Variants in SYNE2 observed in about 807,000 individuals in gnomAD.
The protein encoded by SYNE2 is nesprin-2.
Under a neutral mutation model 856.3 loss-of-function variants are expected in SYNE2, and 431 were observed. That is an observed-to-expected ratio of 0.50 (90% CI 0.47 to 0.55). The LOEUF is 0.55. Ranked by LOEUF, SYNE2 falls within the 20% of genes least tolerant of loss-of-function variation. The probability of loss-of-function intolerance (pLI) is 0.00; values close to 1 mark genes in which losing one functional copy is unlikely to be tolerated. For synonymous variants in SYNE2, 2,923 were observed against 2,872.3 expected, an observed-to-expected ratio of 1.02 and a Z score of -0.56; for missense variants, 8,129 against 8,023.2, an observed-to-expected ratio of 1.01 and a Z score of -0.50.
chr14:63,931,188 C>T (rs974336928), intron 2 of SYNE2, among the ~76,000 whole-genome samples: 1 of 152,192 alleles, frequency 6.6e-6, no homozygotes, highest in Non-Finnish European at 1.5e-5. Flanking sequence ...AAAAAGAGTG[C>T]TTTTCTTCCA....
At chr14:63,777,321 T>C (rs556087293) in intron 1 of SYNE2, among the ~76,000 whole-genome samples, 3 of 152,332 alleles carry the variant, frequency 2.0e-5, no homozygotes, top group Admixed American at 6.5e-5. Context: ...TAAATTATTA[T>C]GAATGGAAAT....
intron 1 of SYNE2, among the ~76,000 whole-genome samples, chr14:63,772,944 A>T (rs1051639933): frequency 1.6e-4 from 25 of 151,530 alleles, no homozygotes; most frequent in African/African-American, 6.0e-4. Flanking sequence ...CACCTGGCTA[A>T]TTTTTTGTAT....
chr14:64,152,967 A>T (rs2098256081), intron 85 of SYNE2, among the ~76,000 whole-genome samples: 1 of 152,204 alleles, frequency 6.6e-6, no homozygotes, highest in Admixed American at 6.5e-5. Context: ...GTTTTGTCTA[A>T]TGTACTCACT....
intron 104 of SYNE2, 113 bp downstream of exon 104, chr14:64,212,211 A>G (rs1355243802): frequency 1.3e-6 from 2 of 1,555,200 alleles, no homozygotes; most frequent in African/African-American, 1.4e-5. Flanking sequence ...GAATTCTTAA[A>G]GCAGCCAGGC....
chr14:64,040,486 C>T (rs893382258), intron 45 of SYNE2, among the ~76,000 whole-genome samples: 1 of 151,270 alleles, frequency 6.6e-6, no homozygotes, highest in Admixed American at 6.6e-5. Context: ...AATTAAGCAG[C>T]AAATTTGACA....
intron 113 of SYNE2, 38 bp downstream of exon 113, chr14:64,223,418 G>A (rs373844883): frequency 7.2e-5 from 116 of 1,606,424 alleles, no homozygotes; most frequent in Admixed American, 1.3e-4. Flanking sequence ...AAAGATTGCC[G>A]TATTACATGC....
chr14:63,953,204 A>G (rs2096191043), intron 7 of SYNE2, among the ~76,000 whole-genome samples: 1 of 152,176 alleles, frequency 6.6e-6, no homozygotes, highest in Admixed American at 6.5e-5. Context: ...GACTTTTTTT[A>G]TGGTCAAGAA....
chr14:64,117,102 CAA>C (rs2097858712), intron 66 of SYNE2, among the ~76,000 whole-genome samples: 1 of 152,102 alleles, frequency 6.6e-6, no homozygotes, highest in African/African-American at 2.4e-5. Flanking sequence ...TGGATAGTAC[CAA>C]ACTCTGTGTG....
intron 1 of SYNE2, among the ~76,000 whole-genome samples, chr14:63,767,982 G>A (rs147822428): frequency 0.026 from 3,999 of 152,064 alleles, 75 homozygotes; most frequent in Admixed American, 0.039. Flanking sequence ...TTGCTTGAGC[G>A]CAGGAGTTCA....
rs754194171 is a variant in SYNE2, at chr14:64,121,050, C to T, written c.13147C>T (p.Gln4383Ter). ...ACAATTCAGCAGACAAAAAGATTTC[C>T]AGCAGCAACAGGTAATTCTAGCCCC... ...RPQFSRQKDF[Q>*]QQQVLELKPM... The change falls in exon 68 of 116, where the codon CAG (glutamine) becomes TAG (stop). Residue 4383 changes from glutamine (Q) to a stop codon, truncating the protein, a stop_gained. Coordinates refer to ENST00000555002, the MANE Select transcript of SYNE2 (RefSeq NM_182914.3). LOFTEE classifies it high-confidence loss of function. The T allele has an allele frequency of 3.1e-6, 5 of 1,613,840 alleles. No homozygotes were observed. Among genetic ancestry groups the T allele is most frequent in the South Asian group, 1.1e-5 (1 of 91,072 alleles).
At chr14:64,197,127 G>C (rs2098543968) in intron 99 of SYNE2, 1 of 152,382 alleles carries the variant, frequency 6.6e-6, no homozygotes, top group Admixed American at 6.5e-5. Context: ...TTCGTCATCA[G>C]CTCTGCATTG....
At chr14:63,904,657 A>G (rs1022103062) in intron 1 of SYNE2, among the ~76,000 whole-genome samples, 1 of 151,916 alleles carries the variant, frequency 6.6e-6, no homozygotes, top group African/African-American at 2.4e-5. Context: ...CCATTTTTTA[A>G]TGGGGTTGTC....
At chr14:64,163,776 A>C (rs1308604938) in intron 89 of SYNE2, among the ~76,000 whole-genome samples, 195 bp downstream of exon 89, 1 of 152,190 alleles carries the variant, frequency 6.6e-6, no homozygotes, top group African/African-American at 2.4e-5. Context: ...TTCCTTATTG[A>C]AGATGTTAGT....
chr14:64,011,913 C>T (rs2096849030), intron 32 of SYNE2, among the ~76,000 whole-genome samples: 1 of 152,118 alleles, frequency 6.6e-6, no homozygotes. Context: ...GTCTTTCTGC[C>T]ATCGTTAGCT....
chr14:63,827,351 G>C (rs965292214), intron 1 of SYNE2, among the ~76,000 whole-genome samples: 4 of 146,430 alleles, frequency 2.7e-5, no homozygotes, highest in African/African-American at 1.0e-4. Context: ...CAGGCCGGGC[G>C]CGGTGGCTCA....
At chr14:64,170,567 G>T in intron 94 of SYNE2, 105 bp downstream of exon 94, 1 of 1,201,144 alleles carries the variant, frequency 8.3e-7, no homozygotes. Flanking sequence ...TGATCCAAGT[G>T]GGCTCTCTGC....
At chr14:63,978,083 G>A in intron 13 of SYNE2, 66 bp downstream of exon 13, 1 of 1,022,628 alleles carries the variant, frequency 9.8e-7, no homozygotes, top group Non-Finnish European at 1.6e-6. Flanking sequence ...TGATACTACA[G>A]GGACCACAAA....
In SYNE2 at chr14:64,149,124, A is replaced by G. The variant is rs113374039; in HGVS notation, c.15639+2901A>G. On this transcript the variant is annotated intron_variant, in intron 84 of 115. Transcript: ENST00000555002. ...GGAGTTCAAAACCAGCCAGGGCAACATAAGACCCAGTCTCTACCAAAAAAA... is the reference window on the plus strand; with the variant it reads ...GGAGTTCAAAACCAGCCAGGGCAACGTAAGACCCAGTCTCTACCAAAAAAA... Among the ~76,000 whole-genome samples, 15 of 151,718 alleles carry G rather than the reference A, an allele frequency of 9.9e-5. 1 individual carries two copies. Among genetic ancestry groups the G allele is most frequent in the African/African-American group, 3.6e-4 (15 of 41,340 alleles).
chr14:64,209,625 A>G (rs765266240), intron 102 of SYNE2, 47 bp downstream of exon 102: 1 of 1,610,822 alleles, frequency 6.2e-7, no homozygotes, highest in Non-Finnish European at 8.5e-7. Flanking sequence ...CCAAGCCTGC[A>G]GCGAGCCTGG....
Sources: gnomAD v4.1 joint callset for allele counts (sites outside exome capture counted in the v4.1 genomes callset) on GRCh38, gnomAD v4.1.1 for gene constraint, MANE v1.5 for transcripts, NCBI Gene and HGNC (gene_info 2026-07-23, HGNC 2026-07-21) for gene names.